Variants in ACTR3C observed in about 807,000 individuals in gnomAD.
ACTR3C encodes actin related protein 3C, also known as actin-related protein 3C.
ACTR3C carries 18 observed loss-of-function variants against 26.3 expected under a neutral mutation model. The ratio of observed to expected loss-of-function variants is 0.68; its 90% CI spans 0.47 to 1.01. The LOEUF (loss-of-function observed/expected upper bound fraction) is 1.01. Among genes scored for constraint, ACTR3C ranks in the 50% least tolerant of loss-of-function variants. ACTR3C has a pLI of 0.00. For synonymous variants in ACTR3C, 55 were observed against 94.5 expected (o/e 0.58, Z 2.42); for missense variants, 184 against 250.7 (o/e 0.73, Z 1.80).
At chr7:150,224,708 C>G in the ACTR3C span, among the ~76,000 whole-genome samples, 1 of 152,124 alleles carries the variant, frequency 6.6e-6, no homozygotes, top group Admixed American at 6.5e-5. Flanking sequence ...ATACTGAACT[C>G]TTTGTAAGGA....
the ACTR3C span, among the ~76,000 whole-genome samples, chr7:150,192,006 C>T: frequency 6.6e-6 from 1 of 151,404 alleles, no homozygotes; most frequent in South Asian, 2.1e-4. Context: ...TTCTTGTTTG[C>T]TCTACTAATG....
chr7:150,057,246 G>A, the ACTR3C span, among the ~76,000 whole-genome samples: 1 of 148,790 alleles, frequency 6.7e-6, no homozygotes, highest in South Asian at 2.1e-4. Context: ...ATACTTATCT[G>A]AGCATTTAAT....
chr7:149,913,013 A>T, the ACTR3C span, among the ~76,000 whole-genome samples: 1 of 152,262 alleles, frequency 6.6e-6, no homozygotes, highest in Non-Finnish European at 1.5e-5. Context: ...TGTAACAAAC[A>T]TCAAACCAAA....
In ACTR3C at chr7:150,293,306, G is replaced by C. The variant is rs756232562; in HGVS notation, c.153+6C>G. Reference sequence around the variant, plus strand: ...CAGAGACTTATATATTAACTATTCTGCTTACCACTGGGATAACATGGGTGA... The same window carrying C: ...CAGAGACTTATATATTAACTATTCTCCTTACCACTGGGATAACATGGGTGA... On this transcript the variant is annotated splice_donor_region_variant and intron_variant, in intron 3 of 7. Coordinates refer to ENST00000683684, the MANE Select transcript of ACTR3C (RefSeq NM_001164458.2). 11 of 1,565,732 alleles carry C rather than the reference G, an allele frequency of 7.0e-6. No individual in the cohort carries two copies. The Admixed American group carries it at 1.7e-4, about 24-fold the overall frequency.
chr7:149,983,464 T>TATATATATATATATATATATATAC, the ACTR3C span, among the ~76,000 whole-genome samples: 20 of 127,044 alleles, frequency 1.6e-4, 1 homozygote, highest in Non-Finnish European at 2.9e-4. Context: ...TATATATATA[T>TATATATATATATATATATATATAC]GTAGGAAAAC....
chr7:150,159,006 C>A, the ACTR3C span, among the ~76,000 whole-genome samples: 4 of 141,654 alleles, frequency 2.8e-5, no homozygotes, highest in Non-Finnish European at 6.0e-5. Context: ...CAGGCACGCA[C>A]ATTCAGCACA....
the ACTR3C span, among the ~76,000 whole-genome samples, chr7:149,953,228 T>A: frequency 2.6e-3 from 392 of 149,682 alleles, 2 homozygotes; most frequent in African/African-American, 9.6e-3. Flanking sequence ...AGTATTTGTA[T>A]GCATAAATGT....
At chr7:150,067,799 G>T in the ACTR3C span, among the ~76,000 whole-genome samples, 87 of 149,286 alleles carry the variant, frequency 5.8e-4, 1 homozygote, top group East Asian at 0.015. Context: ...GGGGTGGTGG[G>T]GGGGGATGGG....
the ACTR3C span, among the ~76,000 whole-genome samples, chr7:149,941,619 T>A: frequency 6.6e-6 from 1 of 152,230 alleles, no homozygotes; most frequent in Non-Finnish European, 1.5e-5. Flanking sequence ...AGCAACCTCC[T>A]GATCCTGTCC....
At chr7:150,082,872 C>T in the ACTR3C span, among the ~76,000 whole-genome samples, 1 of 151,512 alleles carries the variant, frequency 6.6e-6, no homozygotes, top group Non-Finnish European at 1.5e-5. Context: ...ACAGGATCAC[C>T]CTAAGTAAGG....
chr7:149,933,327 G>A, the ACTR3C span, among the ~76,000 whole-genome samples: 2 of 151,086 alleles, frequency 1.3e-5, no homozygotes, highest in Non-Finnish European at 2.9e-5. Flanking sequence ...CAAATCTGGC[G>A]ATCTTATTGA....
At chr7:150,034,116 G>T in the ACTR3C span, among the ~76,000 whole-genome samples, 31 of 151,750 alleles carry the variant, frequency 2.0e-4, no homozygotes, top group African/African-American at 7.3e-4. Flanking sequence ...CAACCGGGGG[G>T]AAGAGGGGAT....
the ACTR3C span, among the ~76,000 whole-genome samples, chr7:150,124,222 A>G: frequency 8.5e-5 from 13 of 152,190 alleles, no homozygotes; most frequent in African/African-American, 2.9e-4. Context: ...TCACTATAAC[A>G]CTATTTCTCA....
the ACTR3C span, among the ~76,000 whole-genome samples, chr7:150,122,632 T>G: frequency 6.6e-6 from 1 of 152,224 alleles, no homozygotes; most frequent in African/African-American, 2.4e-5. Context: ...GCTTTTACAC[T>G]GTTGGTGGGA....
chr7:150,130,507 G>A, the ACTR3C span, among the ~76,000 whole-genome samples: 739 of 152,240 alleles, frequency 4.9e-3, 4 homozygotes, highest in Non-Finnish European at 8.9e-3. Context: ...AAGGAGCTGC[G>A]TGATCCTTTT....
the ACTR3C span, among the ~76,000 whole-genome samples, chr7:149,984,364 T>C: frequency 6.6e-6 from 1 of 152,092 alleles, no homozygotes; most frequent in Non-Finnish European, 1.5e-5. Context: ...CCACCACACC[T>C]GGCTAATATT....
chr7:150,120,274 C>T, the ACTR3C span, among the ~76,000 whole-genome samples: 80 of 151,874 alleles, frequency 5.3e-4, no homozygotes, highest in African/African-American at 1.6e-3. Context: ...AAAAACCCTT[C>T]AAAAATCAAT....
the ACTR3C span, among the ~76,000 whole-genome samples, chr7:150,166,775 T>G: frequency 6.6e-6 from 1 of 150,484 alleles, no homozygotes; most frequent in Admixed American, 6.6e-5. Flanking sequence ...ATCGTATTTT[T>G]GCACCCATTA....
chr7:150,061,508 C>G, the ACTR3C span, among the ~76,000 whole-genome samples: 3 of 114,954 alleles, frequency 2.6e-5, no homozygotes, highest in Non-Finnish European at 5.5e-5. Flanking sequence ...AACTCTCATC[C>G]CATGAAGGGT....
Sources: gnomAD v4.1 joint callset for allele counts (sites outside exome capture counted in the v4.1 genomes callset) on GRCh38, gnomAD v4.1.1 for gene constraint, MANE v1.5 for transcripts, NCBI Gene and HGNC (gene_info 2026-07-23, HGNC 2026-07-21) for gene names.